The following PARD3 variants were observed in gnomAD, a reference collection of about 807,000 sequenced individuals.
PARD3 encodes the protein partitioning defective 3 homolog.
In PARD3, 75 loss-of-function variants were observed where a neutral mutation model predicts 155.4. That is an observed-to-expected ratio of 0.48 (90% CI 0.40 to 0.58). The LOEUF (loss-of-function observed/expected upper bound fraction) is 0.58, where lower values mean the gene tolerates loss of function less well. Ranked by LOEUF, PARD3 falls within the 20% of genes least tolerant of loss-of-function variation. The probability of loss-of-function intolerance (pLI) is 0.00; values close to 1 mark genes in which losing one functional copy is unlikely to be tolerated. For missense variants in PARD3, 1,642 were observed against 1,721.7 expected (o/e 0.95, Z 0.82); for synonymous variants, 576 against 610.5 (o/e 0.94, Z 0.83).
chr10:34,259,652 T>C (rs1954850202), intron 22 of PARD3, among the ~76,000 whole-genome samples: 1 of 152,192 alleles, frequency 6.6e-6, no homozygotes, highest in South Asian at 2.1e-4. Context: ...GGGGAAGCAT[T>C]ATCATGCCCA....
At chr10:34,534,495 AT>A (rs916163006) in intron 2 of PARD3, among the ~76,000 whole-genome samples, 1 of 152,168 alleles carries the variant, frequency 6.6e-6, no homozygotes, top group African/African-American at 2.4e-5. Context: ...AATGGGTCAC[AT>A]GAGCTCTCAG....
chr10:34,536,565 C>T (rs186521567), intron 2 of PARD3, among the ~76,000 whole-genome samples: 11 of 152,298 alleles, frequency 7.2e-5, no homozygotes, highest in Admixed American at 7.2e-4. Context: ...CTATTTAAAA[C>T]CTATATAAAG....
intron 1 of PARD3, among the ~76,000 whole-genome samples, chr10:34,709,870 T>C (rs2094425612): frequency 6.6e-6 from 1 of 152,176 alleles, no homozygotes; most frequent in Non-Finnish European, 1.5e-5. Context: ...AGCTACTATT[T>C]GAGTTTTTCA....
At chr10:34,565,021 A>C (rs986454976) in intron 2 of PARD3, among the ~76,000 whole-genome samples, 5 of 152,076 alleles carry the variant, frequency 3.3e-5, no homozygotes, top group African/African-American at 1.2e-4. Flanking sequence ...TTCTGGAGCC[A>C]AGATCAGGCA....
chr10:34,302,968 G>A lies in PARD3; in HGVS notation c.3065+14139C>T, dbSNP rs575418821. Reference sequence around the variant, plus strand: ...TCCCCAACACCTCTAACACTGCCAAGGATGTAGTAGGCACTCCAGTAAATA... The same window carrying A: ...TCCCCAACACCTCTAACACTGCCAAAGATGTAGTAGGCACTCCAGTAAATA... On this transcript the variant is annotated intron_variant, in intron 20 of 24. Transcript: ENST00000374788. Among the ~76,000 whole-genome samples the A allele has an allele frequency of 7.2e-5, 11 of 151,948 alleles. No homozygotes were observed. In the South Asian group the frequency reaches 2.3e-3, roughly 32 times the overall value.
At chr10:34,615,408 G>C (rs2091186942) in intron 2 of PARD3, among the ~76,000 whole-genome samples, 1 of 151,750 alleles carries the variant, frequency 6.6e-6, no homozygotes, top group African/African-American at 2.4e-5. Context: ...GTGTAACCAT[G>C]GGCAGCAGAG....
intron 1 of PARD3, among the ~76,000 whole-genome samples, chr10:34,745,831 T>G (rs1467842012): frequency 6.6e-6 from 1 of 152,158 alleles, no homozygotes; most frequent in African/African-American, 2.4e-5. Flanking sequence ...CCAGGCGCGG[T>G]GGCTCACGCC....
At position 34,413,138 on chromosome 10, in the gene PARD3, T is replaced by TACACACAC. The variant is rs879785568; in HGVS notation, c.715-11222_715-11221insGTGTGTGT. ...AAAAAACATTAGGCAGTACTTCAGA[T>TACACACAC]ATATATACACACACACACACACACA... On this transcript the variant is annotated intron_variant, in intron 5 of 24. Transcript: ENST00000374788. 6.8e-3 allele frequency among the ~76,000 whole-genome samples: 638 copies of TACACACAC among 93,586 alleles called. 1 individual carries two copies. The highest frequency in any genetic ancestry group is 8.8e-3 in the African/African-American group (157 of 17,926). The allele number at this position is 93,586 out of a possible 152,430, so 61.4% of individuals were successfully genotyped here. A position where few individuals can be genotyped will look rare whatever the true frequency, so the allele number is the denominator to read the frequency against.
chr10:34,484,632 T>C lies in PARD3; in HGVS notation c.404-14369A>G, dbSNP rs190128808. 3.3e-5 allele frequency among the ~76,000 whole-genome samples: 5 copies of C among 152,280 alleles called. No individual in the cohort carries two copies. The East Asian group carries it at 7.7e-4, about 24-fold the overall frequency. On this transcript the variant is annotated intron_variant, in intron 3 of 24. Transcript: ENST00000374788. Reference sequence around the variant, plus strand: ...CCCTAGGATCTCATAATATACAACATAGACCTGGTCTCTGCCCTCGTGAAG... The same window carrying C: ...CCCTAGGATCTCATAATATACAACACAGACCTGGTCTCTGCCCTCGTGAAG...
At chr10:34,584,860 C>T (rs1482260754) in intron 2 of PARD3, among the ~76,000 whole-genome samples, 1 of 152,094 alleles carries the variant, frequency 6.6e-6, no homozygotes, top group African/African-American at 2.4e-5. Flanking sequence ...ATTAGGTTTT[C>T]CCAGGCTCAT....
chr10:34,653,023 AAAC>A (rs373425583), intron 2 of PARD3, among the ~76,000 whole-genome samples: 35 of 152,246 alleles, frequency 2.3e-4, no homozygotes, highest in South Asian at 4.2e-4. Context: ...GACTCGCAAA[AAAC>A]AACAACAACA....
At chr10:34,651,536 T>C (rs1013696990) in intron 2 of PARD3, among the ~76,000 whole-genome samples, 2 of 152,220 alleles carry the variant, frequency 1.3e-5, no homozygotes, top group Non-Finnish European at 2.9e-5. Context: ...AAGGACTGCA[T>C]TTTCTACAGC....
chr10:34,113,496 AACACAC>A (rs58408464), intron 24 of PARD3, among the ~76,000 whole-genome samples: 7 of 148,118 alleles, frequency 4.7e-5, no homozygotes, highest in African/African-American at 1.5e-4. Flanking sequence ...ATAAGACAGA[AACACAC>A]ACACACACAC....
chr10:34,277,967 G>C (rs894789551), intron 21 of PARD3, among the ~76,000 whole-genome samples: 3 of 152,158 alleles, frequency 2.0e-5, no homozygotes, highest in African/African-American at 7.2e-5. Context: ...CTATGAAGCA[G>C]TCACTACTAA....
chr10:34,345,667 G>C (rs1327624451), intron 15 of PARD3: 3 of 985,274 alleles, frequency 3.0e-6, no homozygotes, highest in Non-Finnish European at 3.6e-6. Context: ...TCATGACTCA[G>C]AAAAACATAA....
At chr10:34,298,647 G>A (rs1188628922) in intron 20 of PARD3, among the ~76,000 whole-genome samples, 4 of 152,158 alleles carry the variant, frequency 2.6e-5, no homozygotes, top group Non-Finnish European at 2.9e-5. Flanking sequence ...GACGAAAGGC[G>A]TTCTAGAAAC....
At chr10:34,675,441 T>C (rs867815925) in intron 2 of PARD3, among the ~76,000 whole-genome samples, 3 of 152,198 alleles carry the variant, frequency 2.0e-5, no homozygotes, top group African/African-American at 4.8e-5. Flanking sequence ...ATTTCAACCA[T>C]TTACTTCAAA....
chr10:34,262,656 T>G (rs973570682), intron 22 of PARD3, among the ~76,000 whole-genome samples: 2 of 152,226 alleles, frequency 1.3e-5, no homozygotes, highest in Non-Finnish European at 2.9e-5. Flanking sequence ...TAGACAAGGT[T>G]TGAGACGTTC....
chr10:34,727,276 C>A (rs901357676), intron 1 of PARD3, among the ~76,000 whole-genome samples: 2 of 152,204 alleles, frequency 1.3e-5, no homozygotes, highest in Non-Finnish European at 2.9e-5. Flanking sequence ...CTGCCACTGG[C>A]GGCATACAAG....
Sources: allele counts gnomAD v4.1 joint callset (sites outside exome capture counted in the v4.1 genomes callset), GRCh38; gene constraint gnomAD v4.1.1; transcripts MANE v1.5; gene names NCBI Gene and HGNC (gene_info 2026-07-23, HGNC 2026-07-21).